Variants in NKAIN2 observed in about 807,000 individuals in gnomAD.
The protein encoded by NKAIN2 is sodium/potassium transporting ATPase interacting 2.
NKAIN2 carries 14 observed loss-of-function variants against 32.6 expected under a neutral mutation model. The observed-to-expected ratio is 0.43, with a 90% confidence interval of 0.28 to 0.67. The LOEUF (loss-of-function observed/expected upper bound fraction) is 0.67, where lower values mean the gene tolerates loss of function less well. NKAIN2 is among the 30% of genes least tolerant of loss of function. NKAIN2 has a pLI of 0.17. For missense variants in NKAIN2, 198 were observed against 258.3 expected, an observed-to-expected ratio of 0.77 and a Z score of 1.60; for synonymous variants, 80 against 87.2, an observed-to-expected ratio of 0.92 and a Z score of 0.46.
chr6:123,848,328 G>A (rs1203945725), intron 1 of NKAIN2, among the ~76,000 whole-genome samples: 3 of 152,136 alleles, frequency 2.0e-5, no homozygotes, highest in Non-Finnish European at 4.4e-5. Flanking sequence ...ACCTGATATG[G>A]TTTAGCTGTG....
At chr6:124,131,973 T>G (rs1246504647) in intron 1 of NKAIN2, among the ~76,000 whole-genome samples, 1 of 152,154 alleles carries the variant, frequency 6.6e-6, no homozygotes, top group Non-Finnish European at 1.5e-5. Context: ...AGGTGTGGCC[T>G]GAAAGCCATG....
At chr6:124,006,711 G>A (rs1210706978) in intron 1 of NKAIN2, among the ~76,000 whole-genome samples, 1 of 152,094 alleles carries the variant, frequency 6.6e-6, no homozygotes, top group African/African-American at 2.4e-5. Context: ...GGACCAGGCA[G>A]GATGCTGTAC....
intron 4 of NKAIN2, among the ~76,000 whole-genome samples, chr6:124,750,307 G>A (rs145161885): frequency 6.6e-6 from 1 of 152,062 alleles, no homozygotes; most frequent in Non-Finnish European, 1.5e-5. Flanking sequence ...GGTAGAGTAA[G>A]ATTCTCAACC....
intron 3 of NKAIN2, among the ~76,000 whole-genome samples, chr6:124,584,252 G>T (rs1425787024): frequency 6.6e-6 from 1 of 151,868 alleles, no homozygotes; most frequent in East Asian, 1.9e-4. Flanking sequence ...CATCTGAGAA[G>T]GAATTGGTAA....
chr6:124,526,316 T>C (rs1005098887), intron 3 of NKAIN2, among the ~76,000 whole-genome samples: 3 of 152,032 alleles, frequency 2.0e-5, no homozygotes, highest in African/African-American at 7.2e-5. Context: ...GTTAATGTGG[T>C]AGGCAAGAAG....
chr6:124,476,833 A>G (rs1242784750), intron 3 of NKAIN2, among the ~76,000 whole-genome samples: 1 of 152,132 alleles, frequency 6.6e-6, no homozygotes, highest in African/African-American at 2.4e-5. Context: ...AGGCACAGAT[A>G]CCCCAAGGTC....
chr6:124,276,750 A>G (rs1241512308), intron 1 of NKAIN2, among the ~76,000 whole-genome samples: 2 of 152,184 alleles, frequency 1.3e-5, no homozygotes, highest in Admixed American at 6.5e-5. Flanking sequence ...AATATCTTTA[A>G]AGTCTTTACA....
chr6:123,994,303 GT>G (rs1779529549), intron 1 of NKAIN2, among the ~76,000 whole-genome samples: 1 of 150,604 alleles, frequency 6.6e-6, no homozygotes, highest in Non-Finnish European at 1.5e-5. Context: ...GTTTTTGTTT[GT>G]TTTATAAATC....
chr6:124,409,536 G>T (rs1195680224), intron 3 of NKAIN2, among the ~76,000 whole-genome samples: 1 of 152,184 alleles, frequency 6.6e-6, no homozygotes, highest in South Asian at 2.1e-4. Flanking sequence ...GCATCCCAGG[G>T]ATGAAGCCCA....
intron 1 of NKAIN2, among the ~76,000 whole-genome samples, chr6:124,275,875 C>A (rs1795007035): frequency 6.6e-6 from 1 of 152,034 alleles, no homozygotes; most frequent in Non-Finnish European, 1.5e-5. Flanking sequence ...ATCTTAATAA[C>A]TAATGTATGT....
intron 1 of NKAIN2, among the ~76,000 whole-genome samples, chr6:123,946,497 T>C (rs771555085): frequency 3.3e-5 from 5 of 152,134 alleles, no homozygotes; most frequent in South Asian, 2.1e-4. Flanking sequence ...ATGTTTCCCT[T>C]AAGGAATTTG....
At chr6:123,918,984 T>C (rs1437224554) in intron 1 of NKAIN2, among the ~76,000 whole-genome samples, 1 of 152,114 alleles carries the variant, frequency 6.6e-6, no homozygotes, top group East Asian at 1.9e-4. Flanking sequence ...TTTCTCTCTC[T>C]CTGTCTCTCT....
intron 2 of NKAIN2, among the ~76,000 whole-genome samples, chr6:124,301,361 G>T (rs748966838): frequency 1.3e-5 from 2 of 152,206 alleles, no homozygotes; most frequent in Non-Finnish European, 2.9e-5. Flanking sequence ...TCCTGCAGGC[G>T]CAGAACCCTC....
chr6:124,252,907 A>G (rs904754583), intron 1 of NKAIN2, among the ~76,000 whole-genome samples: 6 of 152,212 alleles, frequency 3.9e-5, no homozygotes, highest in African/African-American at 1.2e-4. Context: ...CACTTAAAAC[A>G]GTGCCTGATA....
intron 5 of NKAIN2, among the ~76,000 whole-genome samples, chr6:124,816,197 C>T (rs1390950642): frequency 1.3e-5 from 2 of 152,052 alleles, no homozygotes; most frequent in African/African-American, 4.8e-5. Context: ...GGGCTACATG[C>T]TATATGAGTC....
At chr6:124,349,373 C>G (rs62434726) in intron 2 of NKAIN2, among the ~76,000 whole-genome samples, 3,649 of 152,132 alleles carry the variant, frequency 0.024, 90 homozygotes, top group Non-Finnish European at 0.034. Flanking sequence ...CTCCAGGGAC[C>G]CCTTTTTACT....
At chr6:124,483,265 C>A (rs1020389073) in intron 3 of NKAIN2, among the ~76,000 whole-genome samples, 6 of 152,140 alleles carry the variant, frequency 3.9e-5, no homozygotes. Context: ...CAACATCACT[C>A]CATAAGTCAT....
intron 3 of NKAIN2, among the ~76,000 whole-genome samples, chr6:124,438,998 A>G (rs544288882): frequency 9.1e-4 from 139 of 152,214 alleles, no homozygotes; most frequent in African/African-American, 3.2e-3. Context: ...TGGAGCTTCA[A>G]TTACCGCTTA....
chr6:124,432,712 A>G (rs554827622), intron 3 of NKAIN2, among the ~76,000 whole-genome samples: 1 of 152,124 alleles, frequency 6.6e-6, no homozygotes, highest in South Asian at 2.1e-4. Context: ...AAATAAACTG[A>G]CTAGATCTCC....
Sources: gnomAD v4.1 joint callset for allele counts (sites outside exome capture counted in the v4.1 genomes callset) on GRCh38, gnomAD v4.1.1 for gene constraint, MANE v1.5 for transcripts, NCBI Gene and HGNC (gene_info 2026-07-23, HGNC 2026-07-21) for gene names.